The following GSAP variants were observed in gnomAD, a reference collection of about 807,000 sequenced individuals.
GSAP encodes the protein gamma-secretase-activating protein.
In GSAP, 118 loss-of-function variants were observed where a neutral mutation model predicts 131.7. The observed-to-expected ratio is 0.90, with a 90% CI of 0.77 to 1.04. GSAP has a LOEUF of 1.04. Among genes scored for constraint, GSAP ranks in the 50% least tolerant of loss-of-function variants. The probability of loss-of-function intolerance (pLI) is 0.00; values close to 1 mark genes in which losing one functional copy is unlikely to be tolerated. For missense variants in GSAP, 1,019 were observed against 1,013.2 expected, an observed-to-expected ratio of 1.01 and a Z score of -0.08; for synonymous variants, 381 against 363.4, an observed-to-expected ratio of 1.05 and a Z score of -0.55.
chr7:77,376,900 C>A lies in GSAP; in HGVS notation c.689G>T (p.Arg230Met). 1 of 1,449,056 alleles carries A rather than the reference C, an allele frequency of 6.9e-7. No individual in the cohort carries two copies. Among genetic ancestry groups the A allele is most frequent in the Non-Finnish European group, 9.4e-7 (1 of 1,059,590 alleles). The allele number at this position is 1,449,056 out of a possible 1,614,324, so 89.8% of individuals were successfully genotyped here. The change falls in exon 10 of 31, where the codon AGG becomes ATG. Residue 230 changes from arginine (R) to methionine (M), a missense_variant. Transcript: ENST00000257626. Reference protein sequence around the residue: ...RLYYIDLKKSRSILKCIQFYA... With the variant: ...RLYYIDLKKSMSILKCIQFYA... ...AAACTGGATACATTTTAAGATACTC[C>A]TTGATTTCTAAAAGAGAAAACAGAA...
At chr7:77,374,842 T>C (rs1796617328) in intron 11 of GSAP, among the ~76,000 whole-genome samples, 1 of 152,094 alleles carries the variant, frequency 6.6e-6, no homozygotes, top group Non-Finnish European at 1.5e-5. Flanking sequence ...CAGAAATAAA[T>C]GGCTAAGAAA....
chr7:77,377,416 AAAAAAAG>A, intron 8 of GSAP, 26 bp from the exon 9 acceptor site: 2 of 1,528,844 alleles, frequency 1.3e-6, no homozygotes, highest in South Asian at 1.2e-5. Flanking sequence ...AAAAAAAAAA[AAAAAAAG>A]TATGAATAAC....
In GSAP at chr7:77,360,892, T is replaced by C. The variant is rs1409750026; in HGVS notation, c.959A>G (p.Lys320Arg). 1.3e-6 allele frequency: 2 copies of C among 1,593,040 alleles called. No homozygotes were observed. The highest frequency in any genetic ancestry group is 3.3e-5 in the Admixed American group (2 of 59,954). ...SVFYIHKGHS[K>R]TFTTSLENVG... ...ATTCTCAAGAGAAGTGGTGAAGGTC[T>C]TGCTGTGTCCTGCAAAGAGAGAATA... The change falls in exon 14 of 31, where the codon AAG becomes AGG. Residue 320 changes from lysine (K) to arginine (R), a missense_variant. Physicochemically the swap from Lys to Arg is conservative, Grantham distance 26. Coordinates refer to ENST00000257626, the MANE Select transcript of GSAP (RefSeq NM_017439.4).
In GSAP at chr7:77,397,077, A is replaced by G. The variant is rs970557989; in HGVS notation, c.314-42T>C. ...AAAAATCCATTAGCAATTGATCCAT[A>G]TGGTAGCTTGTTAAAGTTTACCAGT... On this transcript the variant is annotated intron_variant, in intron 4 of 30. Transcript: ENST00000257626. 23 of 1,316,248 alleles carry G rather than the reference A, an allele frequency of 1.7e-5. 1 individual carries two copies. Among genetic ancestry groups the G allele is most frequent in the Admixed American group, 9.3e-5 (5 of 53,946 alleles). 81.5% of individuals were successfully genotyped at this position (1,316,248 alleles called of 1,614,324 possible).
intron 12 of GSAP, among the ~76,000 whole-genome samples, chr7:77,363,901 A>C (rs1794892344): frequency 6.6e-6 from 1 of 152,208 alleles, no homozygotes; most frequent in African/African-American, 2.4e-5. Context: ...CTATCACTAA[A>C]GTATAAACAA....
chr7:77,403,493 A>C (rs745662970), intron 3 of GSAP, among the ~76,000 whole-genome samples: 17 of 152,208 alleles, frequency 1.1e-4, no homozygotes, highest in Admixed American at 2.0e-4. Context: ...TAGGTACAAA[A>C]TTACTCCCTC....
chr7:77,353,693 C>T, intron 16 of GSAP, 52 bp from the exon 17 acceptor site: 1 of 1,085,304 alleles, frequency 9.2e-7, no homozygotes, highest in Non-Finnish European at 1.4e-6. Context: ...CTCTCTGCCT[C>T]CACTACCAAA....
At chr7:77,367,247 T>C (rs530545193) in intron 12 of GSAP, among the ~76,000 whole-genome samples, 1 of 152,312 alleles carries the variant, frequency 6.6e-6, no homozygotes, top group Non-Finnish European at 1.5e-5. Context: ...CAATACCATG[T>C]TGGATAGGAG....
intron 26 of GSAP, among the ~76,000 whole-genome samples, chr7:77,318,105 T>C (rs1787109139): frequency 6.6e-6 from 1 of 152,218 alleles, no homozygotes; most frequent in Non-Finnish European, 1.5e-5. Flanking sequence ...AACTGGAATA[T>C]AAAATTCAAG....
rs181928636 is a variant in GSAP, at chr7:77,375,089, A to T, written c.754T>A (p.Leu252Met). 2 of 1,562,892 alleles carry T rather than the reference A, an allele frequency of 1.3e-6. No homozygotes were observed. Among genetic ancestry groups the T allele is most frequent in the African/African-American group, 2.7e-5 (2 of 73,630 alleles). ...ESYNLMFEVP[L>M]DISLSNSGFK... ...CCTGAGTTGCTTAATGATATGTCCA[A>T]GGGTACTTCAAACTGTCAAAAAAAT... Residue 252 changes from leucine to methionine, a missense_variant, in exon 11 of 31, where the codon TTG becomes ATG. Coordinates refer to ENST00000257626, the MANE Select transcript of GSAP (RefSeq NM_017439.4).
chr7:77,406,980 AC>A (rs1022496422), intron 1 of GSAP, among the ~76,000 whole-genome samples: 9 of 152,048 alleles, frequency 5.9e-5, no homozygotes, highest in African/African-American at 2.2e-4. Flanking sequence ...TAAATGAAGA[AC>A]CCGGGCTAGG....
At chr7:77,351,756 G>A in intron 18 of GSAP, 5 of 983,992 alleles carry the variant, frequency 5.1e-6, no homozygotes, top group Non-Finnish European at 6.0e-6. Context: ...CAATTAACAT[G>A]TGGCTCAGTC....
rs1406503705 is a variant in GSAP at position 77,413,841 on chromosome 7, C to A, written c.109+2372G>T. 6.1e-5 allele frequency among the ~76,000 whole-genome samples: 8 copies of A among 131,926 alleles called. No individual in the cohort carries two copies. In the East Asian group the frequency reaches 1.8e-3, roughly 30 times the overall value. The allele number at this position is 131,926 out of a possible 152,430, so 86.5% of individuals were successfully genotyped here. On this transcript the variant is annotated intron_variant, in intron 1 of 30. Coordinates refer to ENST00000257626, the MANE Select transcript of GSAP (RefSeq NM_017439.4). Reference sequence around the variant, plus strand: ...GTTTTTAAGCTGGGTAGTGGATACACGGTTTTACTTCGGTGGTTTTTTTCT... The same window carrying A: ...GTTTTTAAGCTGGGTAGTGGATACAAGGTTTTACTTCGGTGGTTTTTTTCT...
At chr7:77,372,475 G>A (rs1193133141) in intron 12 of GSAP, among the ~76,000 whole-genome samples, 2 of 152,138 alleles carry the variant, frequency 1.3e-5, no homozygotes, top group Admixed American at 1.3e-4. Context: ...ATTTATTTCA[G>A]TAATAAGGGA....
At chr7:77,315,909 A>C (rs961336528) in intron 26 of GSAP, 11 of 152,228 alleles carry the variant, frequency 7.2e-5, no homozygotes, top group Admixed American at 5.2e-4. Context: ...GCTCCCATAC[A>C]CCTTGCAGTC....
At chr7:77,412,133 T>G (rs763714740) in intron 1 of GSAP, among the ~76,000 whole-genome samples, 29 of 152,110 alleles carry the variant, frequency 1.9e-4, no homozygotes, top group Non-Finnish European at 4.1e-4. Context: ...GAGCTGAGAT[T>G]GTGCCACTGC....
rs983978162 is a variant in GSAP, at chr7:77,348,374, G to A, written c.1545+977C>T. On this transcript the variant is annotated intron_variant, in intron 19 of 30. Transcript: ENST00000257626. ...TTTTGCCTGGAAACACAGATCATCAGTCTATTTTTAAGGGATTCTTCTTAG... is the reference window on the plus strand; with the variant it reads ...TTTTGCCTGGAAACACAGATCATCAATCTATTTTTAAGGGATTCTTCTTAG... 3.9e-5 allele frequency among the ~76,000 whole-genome samples: 6 copies of A among 152,204 alleles called. No individual in the cohort carries two copies. In the South Asian group the frequency reaches 1.2e-3, roughly 32 times the overall value.
intron 5 of GSAP, among the ~76,000 whole-genome samples, chr7:77,393,657 A>G (rs1317269648): frequency 6.7e-6 from 1 of 150,208 alleles, no homozygotes; most frequent in Non-Finnish European, 1.5e-5. Flanking sequence ...ATGCATATAT[A>G]TATACATATA....
chr7:77,331,129 G>A lies in GSAP; in HGVS notation c.1546-762C>T, dbSNP rs576513302. Among the ~76,000 whole-genome samples the A allele has an allele frequency of 1.1e-4, 17 of 152,144 alleles. No individual in the cohort carries two copies. The South Asian group carries it at 3.1e-3, about 28-fold the overall frequency. ...GAGATCGAGACCACGGTGAAACCCC[G>A]TCTCTACCAAAAATACAAAAAATTA... On this transcript the variant is annotated intron_variant, in intron 19 of 30. Coordinates refer to ENST00000257626, the MANE Select transcript of GSAP (RefSeq NM_017439.4).
Sources: gnomAD v4.1 joint callset for allele counts (sites outside exome capture counted in the v4.1 genomes callset) on GRCh38, gnomAD v4.1.1 for gene constraint, MANE v1.5 for transcripts, NCBI Gene and HGNC (gene_info 2026-07-23, HGNC 2026-07-21) for gene names.